Variants in XDH observed in about 807,000 individuals in gnomAD.
The protein encoded by XDH is xanthine dehydrogenase/oxidase.
A neutral mutation model predicts 156.1 loss-of-function variants in XDH; 138 were observed. The ratio of observed to expected loss-of-function variants is 0.88; its 90% CI spans 0.77 to 1.02. The LOEUF is 1.02. Ranked by LOEUF, XDH falls within the 50% of genes least tolerant of loss-of-function variation. The pLI is 0.00. For missense variants in XDH, 1,849 were observed against 1,684.9 expected (o/e 1.10, Z -1.71); for synonymous variants, 669 against 625.7 (o/e 1.07, Z -1.03).
rs1347273035 is a variant in XDH, at chr2:31,378,854, A to T, written c.1242+1013T>A. On this transcript the variant is annotated intron_variant, in intron 13 of 35. Transcript: ENST00000379416. Reference sequence around the variant, plus strand: ...CTCCCCACTTTCATCACTCATAATTAAAAAAAAAAAGTTTACTGAACTGTG... The same window carrying T: ...CTCCCCACTTTCATCACTCATAATTTAAAAAAAAAAGTTTACTGAACTGTG... 8.6e-5 allele frequency among the ~76,000 whole-genome samples: 5 copies of T among 58,440 alleles called. 1 individual carries two copies. In the South Asian group the frequency reaches 1.5e-3, roughly 17 times the overall value. The allele number at this position is 58,440 out of a possible 152,430, so 38.3% of individuals were successfully genotyped here.
chr2:31,377,433 C>T (rs13009347), intron 13 of XDH, among the ~76,000 whole-genome samples, 196 bp from the exon 14 acceptor site: 1 of 151,716 alleles, frequency 6.6e-6, no homozygotes, highest in Admixed American at 6.5e-5. Flanking sequence ...ATAACATTCC[C>T]AGAAGCTGAA....
intron 6 of XDH, among the ~76,000 whole-genome samples, chr2:31,397,221 A>T (rs916634385): frequency 2.6e-5 from 4 of 152,246 alleles, no homozygotes; most frequent in Non-Finnish European, 5.9e-5. Context: ...TACCAGTTTC[A>T]TAAGCCCAAC....
At chr2:31,337,174 A>C (rs751155733) in intron 35 of XDH, among the ~76,000 whole-genome samples, 6 of 152,142 alleles carry the variant, frequency 3.9e-5, no homozygotes, top group Non-Finnish European at 7.3e-5. Flanking sequence ...TGTCCCCAGT[A>C]TCAGAATGGC....
intron 6 of XDH, among the ~76,000 whole-genome samples, chr2:31,393,429 C>T (rs1266660355): frequency 6.6e-6 from 1 of 152,152 alleles, no homozygotes; most frequent in African/African-American, 2.4e-5. Flanking sequence ...AATTAATATG[C>T]TACTTCCACT....
At chr2:31,356,612 TA>T (rs1430413951) in intron 24 of XDH, among the ~76,000 whole-genome samples, 4 of 152,226 alleles carry the variant, frequency 2.6e-5, no homozygotes, top group Admixed American at 1.3e-4. Flanking sequence ...GATCCTTCCC[TA>T]GAGCTTCCAG....
rs45506497 is a variant in XDH, at chr2:31,363,995, G to A, written c.2631+163C>T. 0.017 allele frequency among the ~76,000 whole-genome samples: 2,601 copies of A among 152,268 alleles called. 68 individuals carry two copies. Among genetic ancestry groups the A allele is most frequent in the African/African-American group, 0.059 (2,442 of 41,526 alleles). On this transcript the variant is annotated intron_variant, in intron 24 of 35. Coordinates refer to ENST00000379416, the MANE Select transcript of XDH (RefSeq NM_000379.4). ...CCAGAGAAATAATACGATCATCATT[G>A]TGCTATAGAGATTAATCGAGGATGG...
In XDH at chr2:31,349,844, A is replaced by G; in HGVS notation, c.2824-13T>C. The G allele has an allele frequency of 6.2e-7, 1 of 1,613,644 alleles. No individual in the cohort carries two copies. Among genetic ancestry groups the G allele is most frequent in the Non-Finnish European group, 8.5e-7 (1 of 1,180,022 alleles). ...TTTTTCTCCGCACCTTCCCAAGGAGAGAGACACAGAGGCCTTGTTGGCGGC... is the reference window on the plus strand; with the variant it reads ...TTTTTCTCCGCACCTTCCCAAGGAGGGAGACACAGAGGCCTTGTTGGCGGC... On this transcript the variant is annotated splice_polypyrimidine_tract_variant and intron_variant, in intron 25 of 35. Coordinates refer to ENST00000379416, the MANE Select transcript of XDH (RefSeq NM_000379.4).
At chr2:31,399,801 G>T (rs1006852259) in intron 4 of XDH, among the ~76,000 whole-genome samples, 2 of 152,172 alleles carry the variant, frequency 1.3e-5, no homozygotes, top group Non-Finnish European at 2.9e-5. Context: ...TTCACCTTCT[G>T]CCATGATTGT....
chr2:31,386,618 T>C (rs965448730), intron 8 of XDH, 63 bp from the exon 9 acceptor site: 10 of 1,607,922 alleles, frequency 6.2e-6, no homozygotes, highest in Non-Finnish European at 8.5e-6. Context: ...CTCTTATAAA[T>C]TGCTTTAAGT....
rs888153075 is a variant in XDH at position 31,357,987 on chromosome 2, C to T, written c.2631+6171G>A. 3.3e-5 allele frequency among the ~76,000 whole-genome samples: 5 copies of T among 150,608 alleles called. No homozygotes were observed. In the East Asian group the frequency reaches 9.7e-4, roughly 29 times the overall value. Reference sequence around the variant, plus strand: ...ATCAATAGTGTTTTTTTGTTTGTTTCTTTTTTTTTCAAGTATTATACTTTT... The same window carrying T: ...ATCAATAGTGTTTTTTTGTTTGTTTTTTTTTTTTTCAAGTATTATACTTTT... On this transcript the variant is annotated intron_variant, in intron 24 of 35. Transcript: ENST00000379416.
intron 2 of XDH, among the ~76,000 whole-genome samples, chr2:31,405,684 G>A (rs933973423): frequency 1.3e-5 from 2 of 152,096 alleles, no homozygotes; most frequent in African/African-American, 2.4e-5. Context: ...GAGTCTTAGC[G>A]GGGAGACACC....
rs1272609226 is a variant in XDH, at chr2:31,386,443, GC to G, written c.763del (p.Ala255ProfsTer14). 8.1e-6 allele frequency: 13 copies of G among 1,613,752 alleles called. No individual in the cohort carries two copies. Among genetic ancestry groups the G allele is most frequent in the Non-Finnish European group, 1.1e-5 (13 of 1,180,026 alleles). ...LLDLKAQHPD[A>X]KLVVGNTEIG... The stretch of plus-strand genomic sequence containing the variant: ...CTCCGTGTTCCCCACGACCAGCTTG[GC>G]GTCAGGGTGCTGAGCCTTGAGGTCC... On this transcript the variant is annotated frameshift_variant, in exon 9 of 36. Coordinates refer to ENST00000379416, the MANE Select transcript of XDH (RefSeq NM_000379.4). LOFTEE classifies it high-confidence loss of function.
At chr2:31,358,165 T>C (rs1685675894) in intron 24 of XDH, among the ~76,000 whole-genome samples, 1 of 152,142 alleles carries the variant, frequency 6.6e-6, no homozygotes, top group South Asian at 2.1e-4. Context: ...ATCACACTTA[T>C]TCCAAAATTG....
chr2:31,380,052 A>G, intron 12 of XDH, 76 bp from the exon 13 acceptor site: 1 of 1,402,634 alleles, frequency 7.1e-7, no homozygotes. Context: ...AAGGATAACC[A>G]TCAGTGGGAT....
rs1685144680 is a variant in XDH at position 31,342,282 on chromosome 2, G to T, written c.3420C>A (p.Gly1140=). Residue 1140 remains glycine, a synonymous_variant, in exon 32 of 36, where the codon GGC becomes GGA. Transcript: ENST00000379416. The stretch of plus-strand genomic sequence containing the variant: ...TCCCTGAGTTAGTCTCAAAGCTGTA[G>T]CCCAGATTGGGTGTTCTGGGAGAGG... ...ATGFYRTPNL[G]YSFETNSGNP... The T allele has an allele frequency of 3.1e-6, 5 of 1,614,042 alleles. No homozygotes were observed. The highest frequency in any genetic ancestry group is 4.2e-6 in the Non-Finnish European group (5 of 1,179,976).
At chr2:31,382,575 C>G (rs1686467186) in intron 11 of XDH, among the ~76,000 whole-genome samples, 1 of 152,140 alleles carries the variant, frequency 6.6e-6, no homozygotes, top group African/African-American at 2.4e-5. Flanking sequence ...GGCTCTGTCT[C>G]TGGTTCTCCC....
At chr2:31,343,977 A>G (rs1685213127) in intron 31 of XDH, among the ~76,000 whole-genome samples, 2 of 152,142 alleles carry the variant, frequency 1.3e-5, no homozygotes, top group African/African-American at 4.8e-5. Context: ...ATATTGAAAG[A>G]AAATATTCCA....
intron 18 of XDH, among the ~76,000 whole-genome samples, chr2:31,369,370 T>A (rs566034060): frequency 1.3e-5 from 2 of 152,346 alleles, no homozygotes; most frequent in South Asian, 2.1e-4. Context: ...TGTTTAATAA[T>A]TCAGTTTCAT....
At chr2:31,409,166 G>A (rs1419126485) in intron 1 of XDH, among the ~76,000 whole-genome samples, 1 of 152,154 alleles carries the variant, frequency 6.6e-6, no homozygotes, top group African/African-American at 2.4e-5. Context: ...TAAGAGGAAA[G>A]TAGGGATGGC....
Sources: gnomAD v4.1 joint callset for allele counts (sites outside exome capture counted in the v4.1 genomes callset) on GRCh38, gnomAD v4.1.1 for gene constraint, MANE v1.5 for transcripts, NCBI Gene and HGNC (gene_info 2026-07-23, HGNC 2026-07-21) for gene names.